The following MCPH1 variants were observed in gnomAD, a reference collection of about 807,000 sequenced individuals.
MCPH1 encodes microcephalin.
In MCPH1, 104 loss-of-function variants were observed where a neutral mutation model predicts 84.5. The observed-to-expected ratio is 1.23, with a 90% CI of 1.05 to 1.45. The LOEUF (loss-of-function observed/expected upper bound fraction) is 1.45, where lower values mean the gene tolerates loss of function less well. MCPH1 is among the 40% of genes most tolerant of loss of function. The pLI is 0.00. For missense variants in MCPH1, 1,498 were observed against 1,005.7 expected (o/e 1.49, Z -6.62); for synonymous variants, 514 against 366.8 (o/e 1.40, Z -4.58).
chr8:6,639,466 G>C (rs1797782008), intron 13 of MCPH1, among the ~76,000 whole-genome samples: 1 of 152,110 alleles, frequency 6.6e-6, no homozygotes, highest in Admixed American at 6.5e-5. Context: ...TTTGAGACCA[G>C]CCTTGGCAAC....
At chr8:6,429,697 C>G (rs1346758456) in intron 3 of MCPH1, among the ~76,000 whole-genome samples, 1 of 152,014 alleles carries the variant, frequency 6.6e-6, no homozygotes, top group African/African-American at 2.4e-5. Flanking sequence ...GGTCAAAAAC[C>G]TTCCATTTTT....
In MCPH1 at chr8:6,422,994, T is replaced by C. The variant is rs1252513503; in HGVS notation, c.233+8111T>C. On this transcript the variant is annotated intron_variant, in intron 3 of 13. Transcript: ENST00000344683. ...TGAGCCACTGTGCCCGGCCAATTTTTATATTTTTAGGAGAGACAGGGTTTC... is the reference window on the plus strand; with the variant it reads ...TGAGCCACTGTGCCCGGCCAATTTTCATATTTTTAGGAGAGACAGGGTTTC... Among the ~76,000 whole-genome samples, 5 of 149,688 alleles carry C rather than the reference T, an allele frequency of 3.3e-5. 1 individual carries two copies. The highest frequency in any genetic ancestry group is 5.0e-5 in the African/African-American group (2 of 39,952).
At chr8:6,632,787 C>T (rs569613629) in intron 13 of MCPH1, among the ~76,000 whole-genome samples, 81 of 151,352 alleles carry the variant, frequency 5.4e-4, no homozygotes, top group African/African-American at 1.8e-3. Context: ...CCAGCCTAGG[C>T]AACAGAGTGA....
At chr8:6,546,662 T>A (rs1822628538) in intron 12 of MCPH1, among the ~76,000 whole-genome samples, 1 of 152,090 alleles carries the variant, frequency 6.6e-6, no homozygotes, top group Admixed American at 6.5e-5. Context: ...GGCCTAGAGA[T>A]AAATAGAGAA....
At chr8:6,641,025 A>T (rs1423657001) in intron 13 of MCPH1, among the ~76,000 whole-genome samples, 2 of 151,888 alleles carry the variant, frequency 1.3e-5, no homozygotes, top group African/African-American at 4.8e-5. Flanking sequence ...AATTGTACAG[A>T]CTGTTTTGAT....
At position 6,626,542 on chromosome 8, in the gene MCPH1, C is replaced by T. The variant is rs1480701757; in HGVS notation, c.2452+4851C>T. ...GTGGTTGAACATGGATAAAAATAAA[C>T]GGGAAAACAAAAATCAAATTCCCGG... On this transcript the variant is annotated intron_variant, in intron 13 of 13. Transcript: ENST00000344683. 8.3e-6 allele frequency: 8 copies of T among 965,996 alleles called. No homozygotes were observed. The South Asian group carries it at 2.0e-4, about 24-fold the overall frequency. 59.8% of individuals were successfully genotyped at this position (965,996 alleles called of 1,614,324 possible).
chr8:6,523,997 C>G (rs1353209308), intron 12 of MCPH1, among the ~76,000 whole-genome samples: 2 of 151,798 alleles, frequency 1.3e-5, no homozygotes, highest in Non-Finnish European at 2.9e-5. Flanking sequence ...AAAGCAGCAA[C>G]TAAAGATGTT....
chr8:6,637,382 G>A (rs186222650), intron 13 of MCPH1, among the ~76,000 whole-genome samples: 2 of 152,330 alleles, frequency 1.3e-5, no homozygotes, highest in Admixed American at 1.3e-4. Flanking sequence ...ATGGACTCTT[G>A]TAGGTCTATT....
intron 12 of MCPH1, among the ~76,000 whole-genome samples, chr8:6,617,583 G>T (rs1395598780): frequency 1.3e-5 from 2 of 151,920 alleles, no homozygotes; most frequent in Non-Finnish European, 2.9e-5. Context: ...CCCTCCACAT[G>T]TCCTGCACGC....
chr8:6,408,418 C>T (rs1390367513), intron 1 of MCPH1, among the ~76,000 whole-genome samples: 2 of 152,082 alleles, frequency 1.3e-5, no homozygotes, highest in Non-Finnish European at 2.9e-5. Context: ...GCCAGGGTCT[C>T]ACTATGTTGC....
At chr8:6,616,761 C>T (rs965140289) in intron 12 of MCPH1, 4 of 152,238 alleles carry the variant, frequency 2.6e-5, no homozygotes, top group South Asian at 4.1e-4. Flanking sequence ...CAAACCCCAC[C>T]CAAAATTCAC....
intron 6 of MCPH1, among the ~76,000 whole-genome samples, chr8:6,440,354 G>A (rs1295108700): frequency 3.3e-5 from 5 of 151,988 alleles, no homozygotes. Flanking sequence ...TTGTATTTCT[G>A]AGTACTTCGT....
intron 12 of MCPH1, chr8:6,562,599 G>GCT: frequency 1.7e-6 from 1 of 575,224 alleles, no homozygotes; most frequent in Non-Finnish European, 2.4e-6. Context: ...CTGCTGCCAA[G>GCT]CTGATCTTAA....
At chr8:6,527,817 A>C in intron 12 of MCPH1, 1 of 830,702 alleles carries the variant, frequency 1.2e-6, no homozygotes, top group East Asian at 3.0e-5. Context: ...ATTTTGGCAT[A>C]TTTTTCATTT....
chr8:6,644,599 G>C lies in MCPH1; in HGVS notation c.*1550G>C, dbSNP rs1021863136. ...CGCAATCCCATTTCCAATAGCCACGGAATGAAATACCTAGGAACACGTATA... is the reference window on the plus strand; with the variant it reads ...CGCAATCCCATTTCCAATAGCCACGCAATGAAATACCTAGGAACACGTATA... On this transcript the variant is annotated 3_prime_UTR_variant, in exon 14 of 14. Transcript: ENST00000344683. 6.6e-6 allele frequency: 1 copy of C among 152,134 alleles called. No individual in the cohort carries two copies. The highest frequency in any genetic ancestry group is 1.5e-5 in the Non-Finnish European group (1 of 68,036). 9.4% of individuals were successfully genotyped at this position (152,134 alleles called of 1,614,324 possible).
chr8:6,626,008 T>C (rs971177360), intron 13 of MCPH1: 4 of 985,252 alleles, frequency 4.1e-6, no homozygotes, highest in African/African-American at 1.7e-5. Context: ...ACGACAGCTC[T>C]TCCCCTGGGA....
chr8:6,565,025 G>T (rs188485803), intron 12 of MCPH1, among the ~76,000 whole-genome samples: 1 of 152,100 alleles, frequency 6.6e-6, no homozygotes, highest in Non-Finnish European at 1.5e-5. Flanking sequence ...TTCCACTAAG[G>T]GAACCAATTA....
At chr8:6,545,259 G>A (rs374198665) in intron 12 of MCPH1, among the ~76,000 whole-genome samples, 55 of 152,256 alleles carry the variant, frequency 3.6e-4, no homozygotes, top group South Asian at 2.1e-4. Flanking sequence ...TCTTGACCTC[G>A]GTGCTGGTTA....
At chr8:6,558,332 A>G (rs1394841649) in intron 12 of MCPH1, among the ~76,000 whole-genome samples, 1 of 152,126 alleles carries the variant, frequency 6.6e-6, no homozygotes, top group Non-Finnish European at 1.5e-5. Context: ...ATATTTTTTT[A>G]CCTTGCCCAT....
Sources: allele counts gnomAD v4.1 joint callset (sites outside exome capture counted in the v4.1 genomes callset), GRCh38; gene constraint gnomAD v4.1.1; transcripts MANE v1.5; gene names NCBI Gene and HGNC (gene_info 2026-07-23, HGNC 2026-07-21).